FAM47E: variants seen among roughly 807,000 people sequenced by gnomAD.
FAM47E encodes family with sequence similarity 47 member E, also known as protein FAM47E.
In FAM47E, 32 loss-of-function variants were observed where a neutral mutation model predicts 41.6. The observed-to-expected ratio is 0.77, with a 90% CI of 0.58 to 1.03. The LOEUF (loss-of-function observed/expected upper bound fraction) is 1.03. Among genes scored for constraint, FAM47E ranks in the 50% least tolerant of loss-of-function variants. The probability of loss-of-function intolerance (pLI) is 0.00; values close to 1 mark genes in which losing one functional copy is unlikely to be tolerated. For synonymous variants in FAM47E, 184 were observed against 188.7 expected, an observed-to-expected ratio of 0.98 and a Z score of 0.20; for missense variants, 424 against 485.4, an observed-to-expected ratio of 0.87 and a Z score of 1.19.
At chr4:76,214,327 G>A in exon 1 of FAM47E, 1 of 455,230 alleles carries the variant, frequency 2.2e-6, no homozygotes, top group Non-Finnish European at 4.4e-6. Flanking sequence ...ATTGAACTGG[G>A]GCCTGGGGGA....
At chr4:76,278,941 C>T (rs1211805102) in intron 6 of FAM47E, 1 of 152,162 alleles carries the variant, frequency 6.6e-6, no homozygotes, top group African/African-American at 2.4e-5. Context: ...CCAAACTTCT[C>T]CTAGATAACA....
chr4:76,227,060 C>G (rs140146655), intron 2 of FAM47E, among the ~76,000 whole-genome samples: 1 of 151,622 alleles, frequency 6.6e-6, no homozygotes, highest in Non-Finnish European at 1.5e-5. Flanking sequence ...TTCTTTTCTT[C>G]TGCTGGGTTT....
intron 2 of FAM47E, among the ~76,000 whole-genome samples, chr4:76,223,100 A>G (rs1480251092): frequency 2.6e-5 from 4 of 152,218 alleles, no homozygotes. Context: ...CTGGTAGCAG[A>G]TGTCAACCTC....
chr4:76,263,693 T>C lies in FAM47E; in HGVS notation c.421-11T>C. ...TTTTTCTTTTCCTCTAAGACTATTT[T>C]CTGTTTGTAGCTCTTATCAAAGGTG... On this transcript the variant is annotated splice_polypyrimidine_tract_variant and intron_variant, in intron 2 of 7. Transcript: ENST00000424749. 1 of 1,548,862 alleles carries C rather than the reference T, an allele frequency of 6.5e-7. No individual in the cohort carries two copies.
intron 2 of FAM47E, among the ~76,000 whole-genome samples, chr4:76,259,051 G>T (rs528438893): frequency 9.9e-5 from 15 of 151,768 alleles, no homozygotes; most frequent in African/African-American, 2.9e-4. Flanking sequence ...AGTGGAGCAG[G>T]CCAGAAAGAT....
chr4:76,248,632 C>T (rs927925270), upstream of FAM47E, among the ~76,000 whole-genome samples: 9 of 152,202 alleles, frequency 5.9e-5, no homozygotes, highest in African/African-American at 2.2e-4. Flanking sequence ...ACCTGATCCT[C>T]GTCACCTTGG....
intron 1 of FAM47E, among the ~76,000 whole-genome samples, chr4:76,252,716 TC>T (rs1360648519): frequency 1.3e-5 from 2 of 152,110 alleles, no homozygotes; most frequent in Middle Eastern, 3.4e-3. Context: ...GGGAAGCTTC[TC>T]CCCCCCATTT....
At chr4:76,222,417 G>A (rs1480214580) in intron 2 of FAM47E, among the ~76,000 whole-genome samples, 1 of 152,140 alleles carries the variant, frequency 6.6e-6, no homozygotes, top group South Asian at 2.1e-4. Flanking sequence ...TAGTACAGAC[G>A]GGGTTTCACC....
intron 2 of FAM47E, among the ~76,000 whole-genome samples, chr4:76,240,127 CAAA>C (rs1560734447): frequency 1.3e-5 from 2 of 152,148 alleles, no homozygotes; most frequent in South Asian, 4.1e-4. Context: ...AGTTTTGAAA[CAAA>C]GAAGTGTGAA....
In FAM47E at chr4:76,255,936, G is replaced by A. The variant is rs76773943; in HGVS notation, c.75-242G>A. ...TTTGCAAGGGAGACCAGTGAGAGTCGGATGTGGGGATAAAATAGACAAGAA... is the reference window on the plus strand; with the variant it reads ...TTTGCAAGGGAGACCAGTGAGAGTCAGATGTGGGGATAAAATAGACAAGAA... On this transcript the variant is annotated intron_variant, in intron 1 of 7. Transcript: ENST00000424749. 2.9e-3 allele frequency among the ~76,000 whole-genome samples: 444 copies of A among 152,220 alleles called. 2 individuals carry two copies. The highest frequency in any genetic ancestry group is 3.5e-3 in the Non-Finnish European group (239 of 68,020).
chr4:76,217,017 TG>T (rs1733219681), intron 1 of FAM47E, among the ~76,000 whole-genome samples: 2 of 152,220 alleles, frequency 1.3e-5, no homozygotes, highest in African/African-American at 4.8e-5. Context: ...CAGAAGCTTT[TG>T]ACACAAAGCC....
chr4:76,237,290 G>A (rs1222814088), intron 2 of FAM47E, among the ~76,000 whole-genome samples: 1 of 151,580 alleles, frequency 6.6e-6, no homozygotes, highest in East Asian at 1.9e-4. Context: ...TCATGCCTCA[G>A]GTTTAATTTT....
At chr4:76,230,006 ATAG>A (rs1733466207) in intron 2 of FAM47E, among the ~76,000 whole-genome samples, 1 of 152,206 alleles carries the variant, frequency 6.6e-6, no homozygotes, top group Non-Finnish European at 1.5e-5. Flanking sequence ...ACCAGCTACG[ATAG>A]TAGAATGGGG....
chr4:76,262,053 G>T (rs1413020553), intron 2 of FAM47E, among the ~76,000 whole-genome samples: 2 of 152,100 alleles, frequency 1.3e-5, no homozygotes, highest in Admixed American at 1.3e-4. Context: ...CACCAGTATT[G>T]TTTCTGCCAA....
intron 2 of FAM47E, among the ~76,000 whole-genome samples, chr4:76,240,713 T>TG: frequency 6.6e-6 from 1 of 152,338 alleles, no homozygotes; most frequent in Admixed American, 6.5e-5. Flanking sequence ...TTGTACTTTT[T>TG]AGTTCCAGAA....
rs1008094819 is a variant in FAM47E at position 76,271,576 on chromosome 4, G to A, written c.678G>A (p.Ser226=). ...ATGTGATATTCTTCCAGGGAATTTC[G>A]GACATCGATGAAGAGTTCATCTTGA... ...PRPGLHENGI[S]DIDEEFILKQ... is the part of the protein sequence containing the mutation. Residue 226 remains serine (S), a synonymous_variant, in exon 5 of 8, where the codon TCG becomes TCA. Coordinates refer to ENST00000424749, the MANE Select transcript of FAM47E (RefSeq NM_001136570.3). The A allele has an allele frequency of 3.2e-5, 49 of 1,551,996 alleles. No individual in the cohort carries two copies. The East Asian group carries it at 5.1e-4, about 16-fold the overall frequency.
chr4:76,251,372 C>A (rs532489637), upstream of FAM47E, among the ~76,000 whole-genome samples: 1 of 152,336 alleles, frequency 6.6e-6, no homozygotes, highest in South Asian at 2.1e-4. Flanking sequence ...CACTTTCCAT[C>A]CTCTTTCTCT....
chr4:76,267,547 G>A (rs148760832), intron 3 of FAM47E: 3 of 152,338 alleles, frequency 2.0e-5, no homozygotes, highest in African/African-American at 7.2e-5. Context: ...TGGAGGAATA[G>A]CAAGAGGCTA....
intron 2 of FAM47E, chr4:76,217,742 T>A: frequency 7.9e-6 from 4 of 508,792 alleles, no homozygotes; most frequent in African/African-American, 1.9e-5. Flanking sequence ...AGACTGATGC[T>A]GTGGCAAGGA....
Sources: gnomAD v4.1 joint callset for allele counts (sites outside exome capture counted in the v4.1 genomes callset) on GRCh38, gnomAD v4.1.1 for gene constraint, MANE v1.5 for transcripts, NCBI Gene and HGNC (gene_info 2026-07-23, HGNC 2026-07-21) for gene names.